SYCP2: variants seen among roughly 807,000 people sequenced by gnomAD.
SYCP2 encodes synaptonemal complex lateral element protein.
SYCP2 carries 55 observed loss-of-function variants against 211.3 expected under a neutral mutation model. The observed-to-expected ratio is 0.26, with a 90% CI of 0.21 to 0.33. SYCP2 has a LOEUF of 0.33. Among genes scored for constraint, SYCP2 ranks in the 10% least tolerant of loss-of-function variants. SYCP2 has a pLI of 1.00. For missense variants in SYCP2, 1,731 were observed against 1,752.0 expected (o/e 0.99, Z 0.21); for synonymous variants, 570 against 555.2 (o/e 1.03, Z -0.37).
chr20:59,890,567 T>C (rs2059886086), intron 24 of SYCP2, among the ~76,000 whole-genome samples: 1 of 150,970 alleles, frequency 6.6e-6, no homozygotes, highest in Admixed American at 6.6e-5. Flanking sequence ...AATAGGTAGA[T>C]AGGTAGGTAG....
intron 18 of SYCP2, among the ~76,000 whole-genome samples, chr20:59,897,108 G>T (rs1401489662): frequency 6.6e-6 from 1 of 152,082 alleles, no homozygotes; most frequent in African/African-American, 2.4e-5. Flanking sequence ...AGGGACAGAA[G>T]TAGATAAGCA....
chr20:59,932,384 A>G (rs1390165724), intron 1 of SYCP2, among the ~76,000 whole-genome samples: 2 of 152,138 alleles, frequency 1.3e-5, no homozygotes, highest in East Asian at 1.9e-4. Flanking sequence ...CATCATTACT[A>G]AAAAATGTAG....
chr20:59,881,173 C>A (rs1245764249), intron 29 of SYCP2, 150 bp from the exon 30 acceptor site: 3 of 564,886 alleles, frequency 5.3e-6, no homozygotes, highest in Non-Finnish European at 6.2e-6. Flanking sequence ...TCCTCTCTGA[C>A]CTCAGTTATA....
intron 15 of SYCP2, among the ~76,000 whole-genome samples, chr20:59,905,363 G>A (rs2060194541): frequency 6.6e-6 from 1 of 152,122 alleles, no homozygotes; most frequent in Non-Finnish European, 1.5e-5. Context: ...CATTACAAAT[G>A]CTCACTAACA....
intron 7 of SYCP2, among the ~76,000 whole-genome samples, chr20:59,916,925 AAAAT>A (rs1169518304): frequency 3.3e-5 from 5 of 152,170 alleles, no homozygotes; most frequent in Non-Finnish European, 5.9e-5. Flanking sequence ...TCAAAAAATA[AAAAT>A]AAATAAAGAG....
intron 36 of SYCP2, 51 bp downstream of exon 36, chr20:59,869,747 A>T (rs771722354): frequency 9.2e-7 from 1 of 1,088,692 alleles, no homozygotes; most frequent in South Asian, 1.6e-5. Context: ...TGAGTCTTAT[A>T]AGAACCATCT....
chr20:59,881,879 A>G (rs1260525081), intron 28 of SYCP2, 66 bp downstream of exon 28: 2 of 1,286,530 alleles, frequency 1.6e-6, no homozygotes, highest in African/African-American at 1.5e-5. Context: ...ATTCTATGTA[A>G]TAACTGCATG....
Position 59,866,542 on chromosome 20 carries a change from T to C in SYCP2, c.4173A>G (p.Thr1391=). 6.2e-7 allele frequency: 1 copy of C among 1,607,190 alleles called. No homozygotes were observed. The highest frequency in any genetic ancestry group is 8.5e-7 in the Non-Finnish European group (1 of 1,177,502). ...TCATTGTTCTCAGATGTTGCTGAGC[T>C]GTTTTCCAAGACTGCGTAGTAAAAT... ...LSYFTTQSWK[T]AQQHLRTMNH... is the part of the protein sequence containing the mutation. The change falls in exon 40 of 45, where the codon ACA becomes ACG. Residue 1391 remains threonine (T), a synonymous_variant. Transcript: ENST00000357552.
At chr20:59,881,272 T>A (rs1268518811) in intron 29 of SYCP2, among the ~76,000 whole-genome samples, 165 bp downstream of exon 29, 1 of 151,776 alleles carries the variant, frequency 6.6e-6, no homozygotes, top group African/African-American at 2.4e-5. Flanking sequence ...ATAATTTGCA[T>A]ATTAATTTAA....
intron 24 of SYCP2, among the ~76,000 whole-genome samples, chr20:59,888,417 T>G (rs2059838113): frequency 6.6e-6 from 1 of 152,040 alleles, no homozygotes; most frequent in Admixed American, 6.6e-5. Context: ...TATAAATTGA[T>G]ACACAAAAAA....
intron 31 of SYCP2, 148 bp downstream of exon 31, chr20:59,880,155 A>T: frequency 1.6e-6 from 1 of 630,520 alleles, no homozygotes; most frequent in Non-Finnish European, 2.6e-6. Flanking sequence ...AAATAAAACA[A>T]AAAACATAAA....
chr20:59,907,977 T>C (rs1329480526), intron 14 of SYCP2, among the ~76,000 whole-genome samples: 1 of 152,220 alleles, frequency 6.6e-6, no homozygotes, highest in African/African-American at 2.4e-5. Context: ...CCAGGCACGG[T>C]GGCTCACGCC....
intron 26 of SYCP2, among the ~76,000 whole-genome samples, chr20:59,883,970 A>G (rs1239612467): frequency 2.6e-5 from 4 of 152,122 alleles, no homozygotes; most frequent in African/African-American, 7.2e-5. Flanking sequence ...TTCACTATGT[A>G]TATCATGTTA....
intron 41 of SYCP2, 147 bp from the exon 42 acceptor site, chr20:59,866,012 T>A: frequency 2.1e-6 from 1 of 469,144 alleles, no homozygotes; most frequent in Non-Finnish European, 3.7e-6. Flanking sequence ...ACAGTATGGC[T>A]ATATGTTAAA....
Position 59,867,837 on chromosome 20 carries a change from A to G in SYCP2, c.3999T>C (p.Ser1333=), listed in dbSNP as rs576357703. The G allele has an allele frequency of 6.3e-7, 1 of 1,599,912 alleles. No individual in the cohort carries two copies. The highest frequency in any genetic ancestry group is 1.3e-5 in the African/African-American group (1 of 74,194). The change falls in exon 39 of 45, where the codon AGT becomes AGC. Residue 1333 remains serine, a synonymous_variant. Transcript: ENST00000357552. ...ADHHIHKMSE[S]VSSLSTNDFS... ...AGTCATTTGTTGATAATGAAGATAC[A>G]CTTTCAGACACTAAAAAATGAAAAC...
At chr20:59,890,301 G>C (rs2059879843) in intron 24 of SYCP2, among the ~76,000 whole-genome samples, 1 of 151,704 alleles carries the variant, frequency 6.6e-6, no homozygotes, top group Admixed American at 6.6e-5. Flanking sequence ...CACAAGAACA[G>C]AAAATCAAAC....
chr20:59,921,435 C>T lies in SYCP2; in HGVS notation c.43G>A (p.Asp15Asn). ...PDLQQLEKCI[D>N]DALRKNDFKP... ...AAATCATTTTTTCTTAAAGCATCAT[C>T]AATGCATTTTTCCAACTGCTAGAGA... The change falls in exon 4 of 45, where the codon GAT (aspartate) becomes AAT (asparagine). Residue 15 changes from aspartate (D) to asparagine (N), a missense_variant. Physicochemically the swap from Asp to Asn is conservative, Grantham distance 23. Around this residue, in one of 3 missense-constraint regions of SYCP2, gnomAD observed 335 missense variants for 378.8 expected, o/e 0.88. Coordinates refer to ENST00000357552, the MANE Select transcript of SYCP2 (RefSeq NM_014258.4). The T allele has an allele frequency of 6.2e-7, 1 of 1,601,874 alleles. No homozygotes were observed. Among genetic ancestry groups the T allele is most frequent in the Non-Finnish European group, 8.5e-7 (1 of 1,173,182 alleles).
In SYCP2 at chr20:59,868,489, C is replaced by G. The variant is rs558826885; in HGVS notation, c.3912G>C (p.Glu1304Asp). 6.2e-7 allele frequency: 1 copy of G among 1,611,440 alleles called. No homozygotes were observed. Among genetic ancestry groups the G allele is most frequent in the Admixed American group, 1.7e-5 (1 of 59,736 alleles). ...LSNSNEVEMEEKGERRANLLP... is the reference protein window; with the variant it reads ...LSNSNEVEMEDKGERRANLLP... The stretch of plus-strand genomic sequence containing the variant: ...GCAAGTTTGCTCTCCTTTCTCCTTT[C>G]TCTTCCATTTCTACTTCATTGGAAT... Residue 1304 changes from glutamate to aspartate, a missense_variant, in exon 38 of 45, where the codon GAG becomes GAC. Glu to Asp is a conservative substitution (Grantham distance 45). Transcript: ENST00000357552.
chr20:59,867,641 A>T (rs1041092277), intron 39 of SYCP2, 70 bp downstream of exon 39: 4 of 1,359,406 alleles, frequency 2.9e-6, no homozygotes, highest in Non-Finnish European at 4.1e-6. Context: ...AAACAAGCCA[A>T]TGGTCTAGTA....
Sources: gnomAD v4.1 joint callset for allele counts (sites outside exome capture counted in the v4.1 genomes callset) on GRCh38, gnomAD v4.1.1 for gene constraint, gnomAD v4.1.1 regional missense constraint, MANE v1.5 for transcripts, NCBI Gene and HGNC (gene_info 2026-07-23, HGNC 2026-07-21) for gene names.